Variants in CUL7 observed in about 807,000 individuals in gnomAD.
CUL7 encodes cullin 7, also known as cullin-7.
Under a neutral mutation model 177.7 loss-of-function variants are expected in CUL7, and 96 were observed. The observed-to-expected ratio is 0.54, with a 90% CI of 0.46 to 0.64. The LOEUF (loss-of-function observed/expected upper bound fraction) is 0.64. CUL7 is among the 30% of genes least tolerant of loss of function. The pLI, the probability that CUL7 is intolerant of heterozygous loss-of-function variation, is 0.00. For synonymous variants in CUL7, 824 were observed against 890.2 expected (o/e 0.93, Z 1.32); for missense variants, 1,893 against 2,187.9 (o/e 0.87, Z 2.69).
At position 43,050,284 on chromosome 6, in the gene CUL7, C is replaced by T. The variant is rs1421869152; in HGVS notation, c.1348G>A (p.Val450Met). Residue 450 changes from valine to methionine, a missense_variant, in exon 5 of 26, where the codon GTG becomes ATG. Physicochemically the swap from Val to Met is conservative, Grantham distance 21. Coordinates refer to ENST00000265348, the MANE Select transcript of CUL7 (RefSeq NM_014780.5). The surrounding 1 kb of genome is among the most constrained non-coding windows in gnomAD (Gnocchi z 4.1). ...MVEADEYQGA[V>M]ASRVLGRALP... ...CCTCTACCCAGGACTCTACTGGCCA[C>T]TGCCCCTTGGTACTCATCAGCCTCA... 1 of 1,614,098 alleles carries T rather than the reference C, an allele frequency of 6.2e-7. No individual in the cohort carries two copies. The highest frequency in any genetic ancestry group is 1.3e-5 in the African/African-American group (1 of 74,928).
intron 19 of CUL7, 54 bp from the exon 20 acceptor site, chr6:43,041,129 G>C: frequency 6.3e-7 from 1 of 1,587,358 alleles, no homozygotes; most frequent in Middle Eastern, 1.9e-4. Flanking sequence ...GAGCAGGTGA[G>C]TGGGGAGGAG....
intron 16 of CUL7, among the ~76,000 whole-genome samples, chr6:43,044,357 G>C (rs989522860): frequency 2.6e-5 from 4 of 152,040 alleles, no homozygotes; most frequent in African/African-American, 9.7e-5. Flanking sequence ...AAATTAGCCA[G>C]GCATGGTGGT....
In CUL7 at chr6:43,043,685, G is replaced by A. The variant is rs1184931451; in HGVS notation, c.3173-55C>T. The A allele has an allele frequency of 8.2e-7, 1 of 1,220,228 alleles. No individual in the cohort carries two copies. Among genetic ancestry groups the A allele is most frequent in the Non-Finnish European group, 1.2e-6 (1 of 842,052 alleles). 75.6% of individuals were successfully genotyped at this position (1,220,228 alleles called of 1,614,324 possible). ...CAGCCATGTCTGCAGGGAAGTGGGA[G>A]TGGTTGGGCTGAACAGGAGTGTGGA... is the stretch of plus-strand genomic sequence containing the variant. On this transcript the variant is annotated intron_variant, in intron 16 of 25. Coordinates refer to ENST00000265348, the MANE Select transcript of CUL7 (RefSeq NM_014780.5). This position sits in a 1 kb window ranked among gnomAD's most constrained non-coding sequence, Gnocchi z 4.2.
chr6:43,049,543 A>T lies in CUL7; in HGVS notation c.1689T>A (p.His563Gln). The change falls in exon 7 of 26, where the codon CAT (histidine) becomes CAA (glutamine). Residue 563 changes from histidine to glutamine, a missense_variant. His to Gln is a conservative substitution (Grantham distance 24). Coordinates refer to ENST00000265348, the MANE Select transcript of CUL7 (RefSeq NM_014780.5). ...DSALRDLINCHVYKKYGPEAL... is the reference protein window; with the variant it reads ...DSALRDLINCQVYKKYGPEAL... Reference sequence around the variant, plus strand: ...CTTCAGGCCCATACTTCTTGTAGACATGGCAGTTGATCAGGTCCCTGAGGG... The same window carrying T: ...CTTCAGGCCCATACTTCTTGTAGACTTGGCAGTTGATCAGGTCCCTGAGGG... 1 of 1,614,208 alleles carries T rather than the reference A, an allele frequency of 6.2e-7. No homozygotes were observed. The highest frequency in any genetic ancestry group is 8.5e-7 in the Non-Finnish European group (1 of 1,180,042).
intron 25 of CUL7, 88 bp from the exon 26 acceptor site, chr6:43,038,099 G>A (rs890563060): frequency 2.6e-6 from 4 of 1,516,714 alleles, no homozygotes; most frequent in Admixed American, 2.0e-5. Context: ...CCAGCTGCTA[G>A]GACAGGATGC....
Position 43,052,871 on chromosome 6 carries a change from T to C in CUL7, c.-8-75A>G, listed in dbSNP as rs1764545129. ...CAGAAAATCAAAGATATCCAGGAGG[T>C]GGGGAAGCAAATGGCAACAGCTGTC... On this transcript the variant is annotated intron_variant, in intron 1 of 25. Transcript: ENST00000265348. This position sits in a 1 kb window ranked among gnomAD's most constrained non-coding sequence, Gnocchi z 4.5. 1.3e-6 allele frequency: 2 copies of C among 1,486,450 alleles called. No individual in the cohort carries two copies. The highest frequency in any genetic ancestry group is 1.9e-5 in the Admixed American group (1 of 51,426). 92.1% of individuals were successfully genotyped at this position (1,486,450 alleles called of 1,614,324 possible).
chr6:43,038,567 T>C lies in CUL7; in HGVS notation c.4566A>G (p.Gly1522=), dbSNP rs1269905045. The change falls in exon 24 of 26, where the codon GGA becomes GGG. Residue 1522 remains glycine, a splice_region_variant and synonymous_variant. Transcript: ENST00000265348. ...GCCCCTCTGGCCCTAAGTGCATACC[T>C]CCTGGTATATCCTTTTGCTCGTGAA... ...LDLHEQKDIP[G]GVLKIRDGSK... 3 of 1,613,924 alleles carry C rather than the reference T, an allele frequency of 1.9e-6. No homozygotes were observed. The Admixed American group carries it at 5.0e-5, about 27-fold the overall frequency.
Position 43,051,627 on chromosome 6 carries a change from G to C in CUL7, c.717C>G (p.Gly239=), listed in dbSNP as rs1220836959. The change falls in exon 3 of 26, where the codon GGC becomes GGG. Residue 239 remains glycine, a synonymous_variant. Coordinates refer to ENST00000265348, the MANE Select transcript of CUL7 (RefSeq NM_014780.5). This position sits in a 1 kb window ranked among gnomAD's most constrained non-coding sequence, Gnocchi z 5.0. Reference sequence around the variant, plus strand: ...CAAAGGTTACCTGTGGTAGCTGAATGCCCTCGAAAGACATGGGGTGTTCAG... The same window carrying C: ...CAAAGGTTACCTGTGGTAGCTGAATCCCCTCGAAAGACATGGGGTGTTCAG... ...TLSEHPMSFE[G]IQLPQVPGRV... 1 of 1,614,154 alleles carries C rather than the reference G, an allele frequency of 6.2e-7. No individual in the cohort carries two copies.
At position 43,044,756 on chromosome 6, in the gene CUL7, G is replaced by C. The variant is rs201565396; in HGVS notation, c.3168C>G (p.Ser1056=). 2.5e-6 allele frequency: 4 copies of C among 1,609,226 alleles called. No homozygotes were observed. In the South Asian group the frequency reaches 4.4e-5, roughly 18 times the overall value. Residue 1056 remains serine, a synonymous_variant, in exon 16 of 26, where the codon TCC becomes TCG. Coordinates refer to ENST00000265348, the MANE Select transcript of CUL7 (RefSeq NM_014780.5). Reference sequence around the variant, plus strand: ...TCCAGATGTCAGGATGGTTACCAGGGGAGGTGATGTTCTGCACCACGGGGC... The same window carrying C: ...TCCAGATGTCAGGATGGTTACCAGGCGAGGTGATGTTCTGCACCACGGGGC... ...LVSPVVQNIT[S]PDEDGISPLG...
At chr6:43,048,297 G>A (rs879236566) in intron 8 of CUL7, 35 bp downstream of exon 8, 2 of 1,591,594 alleles carry the variant, frequency 1.3e-6, no homozygotes, top group Non-Finnish European at 1.7e-6. Flanking sequence ...GACCCCCTTT[G>A]CCCTCAGAGA....
chr6:43,038,221 C>G, intron 25 of CUL7, 46 bp downstream of exon 25: 1 of 1,604,106 alleles, frequency 6.2e-7, no homozygotes, highest in Non-Finnish European at 8.5e-7. Context: ...ACTGCTCCCC[C>G]AACCCCAGCA....
At position 43,049,658 on chromosome 6, in the gene CUL7, A is replaced by T; in HGVS notation, c.1574T>A (p.Leu525Gln). ...CAGTTCAGCTAGGATCTCATCATCCAGAATCTGCCATCAAGGAGAAGCTCT... is the reference window on the plus strand; with the variant it reads ...CAGTTCAGCTAGGATCTCATCATCCTGAATCTGCCATCAAGGAGAAGCTCT... ...ILQENLDGEI[L>Q]DDEILAELAV... Residue 525 changes from leucine to glutamine, a missense_variant, in exon 7 of 26, where the codon CTG becomes CAG. Coordinates refer to ENST00000265348, the MANE Select transcript of CUL7 (RefSeq NM_014780.5). 6.2e-7 allele frequency: 1 copy of T among 1,614,104 alleles called. No homozygotes were observed. The highest frequency in any genetic ancestry group is 1.1e-5 in the South Asian group (1 of 91,090).
intron 9 of CUL7, 78 bp downstream of exon 9, chr6:43,048,070 C>T: frequency 2.2e-6 from 2 of 901,014 alleles, no homozygotes; most frequent in Non-Finnish European, 1.8e-6. Flanking sequence ...CCTCCAGAGC[C>T]TTGCCCAGCA....
At chr6:43,047,207 G>A (rs533713415) in intron 9 of CUL7, 100 bp from the exon 10 acceptor site, 27 of 756,858 alleles carry the variant, frequency 3.6e-5, no homozygotes, top group Middle Eastern at 3.6e-4. Context: ...TGTACTGGGT[G>A]CTAGGGGTGC....
chr6:43,038,157 G>A (rs1033361988), intron 25 of CUL7, 110 bp downstream of exon 25: 2 of 1,494,912 alleles, frequency 1.3e-6, no homozygotes, highest in South Asian at 2.4e-5. Flanking sequence ...CACTCCTACA[G>A]GCTACACAGT....
In CUL7 at chr6:43,044,791, C is replaced by T; in HGVS notation, c.3133G>A (p.Ala1045Thr). 6.2e-7 allele frequency: 1 copy of T among 1,613,380 alleles called. No homozygotes were observed. The highest frequency in any genetic ancestry group is 1.1e-5 in the South Asian group (1 of 91,070). The change falls in exon 16 of 26, where the codon GCC (alanine) becomes ACC (threonine). Residue 1045 changes from alanine (A) to threonine (T), a missense_variant. By Grantham distance (58) the Ala-to-Thr change is moderately conservative. Transcript: ENST00000265348. Reference sequence around the variant, plus strand: ...TTCTGCACCACGGGGCTGACCAGGGCCTCCCAGCAGGTCTTGCCCAGAGCT... The same window carrying T: ...TTCTGCACCACGGGGCTGACCAGGGTCTCCCAGCAGGTCTTGCCCAGAGCT... ...AQALGKTCWE[A>T]LVSPVVQNIT...
At position 43,045,386 on chromosome 6, in the gene CUL7, C is replaced by T. The variant is rs1033757918; in HGVS notation, c.2879G>A (p.Arg960His). 12 of 1,614,104 alleles carry T rather than the reference C, an allele frequency of 7.4e-6. No homozygotes were observed. The highest frequency in any genetic ancestry group is 1.6e-4 in the Middle Eastern group (1 of 6,084). ...GCCTAGGATCTCTAACCCCCGAATGCGCGTATCAATGCCACCCTGAAACAC... is the reference window on the plus strand; with the variant it reads ...GCCTAGGATCTCTAACCCCCGAATGTGCGTATCAATGCCACCCTGAAACAC... Reference protein sequence around the residue: ...KRCQQGGIDTRIRGLEILGPK... With the variant: ...KRCQQGGIDTHIRGLEILGPK... The change falls in exon 15 of 26, where the codon CGC becomes CAC. Residue 960 changes from arginine to histidine, a missense_variant. Coordinates refer to ENST00000265348, the MANE Select transcript of CUL7 (RefSeq NM_014780.5). This position sits in a 1 kb window ranked among gnomAD's most constrained non-coding sequence, Gnocchi z 4.8.
At chr6:43,046,182 G>A (rs1302946536) in intron 12 of CUL7, 54 bp downstream of exon 12, 13 of 1,613,446 alleles carry the variant, frequency 8.1e-6, no homozygotes, top group South Asian at 1.1e-5. Context: ...ACAAACACAG[G>A]GGCGTCACAG....
chr6:43,047,258 A>T (rs140272543), intron 9 of CUL7, 151 bp from the exon 10 acceptor site: 16 of 650,360 alleles, frequency 2.5e-5, no homozygotes, highest in Non-Finnish European at 4.5e-5. Context: ...AAAGACAGGG[A>T]TGGGGAGACA....
Sources: gnomAD v4.1 joint callset for allele counts (sites outside exome capture counted in the v4.1 genomes callset) on GRCh38, gnomAD v4.1.1 for gene constraint, Gnocchi (gnomAD v3.1) non-coding constraint, MANE v1.5 for transcripts, NCBI Gene and HGNC (gene_info 2026-07-23, HGNC 2026-07-21) for gene names.